Variants in PPP1R13L observed in about 807,000 individuals in gnomAD.
PPP1R13L encodes relA-associated inhibitor.
PPP1R13L carries 50 observed loss-of-function variants against 80.9 expected under a neutral mutation model. That is an observed-to-expected ratio of 0.62 (90% CI 0.49 to 0.78). The LOEUF (loss-of-function observed/expected upper bound fraction) is 0.78. Among genes scored for constraint, PPP1R13L ranks in the 30% least tolerant of loss-of-function variants. The pLI is 0.00. For missense variants in PPP1R13L, 1,200 were observed against 1,205.9 expected (o/e 1.00, Z 0.07); for synonymous variants, 602 against 534.3 (o/e 1.13, Z -1.75).
In PPP1R13L at chr19:45,386,072, C is replaced by T. The variant is rs1972862119; in HGVS notation, c.1924G>A (p.Val642Met). The change falls in exon 9 of 13, where the codon GTG becomes ATG. Residue 642 changes from valine (V) to methionine (M), a missense_variant. Around this residue, in one of 5 missense-constraint regions of PPP1R13L, gnomAD observed 214 missense variants for 199.6 expected, o/e 1.07. Coordinates refer to ENST00000360957, the MANE Select transcript of PPP1R13L (RefSeq NM_006663.4). Reference sequence around the variant, plus strand: ...ACCTCCTTCACCGCCTGCTGCACCACCTCCAGCTCCCCGGTCAGCGCCGCG... The same window carrying T: ...ACCTCCTTCACCGCCTGCTGCACCATCTCCAGCTCCCCGGTCAGCGCCGCG... ...LDAALTGELE[V>M]VQQAVKEMND... 6.3e-7 allele frequency: 1 copy of T among 1,583,108 alleles called. No individual in the cohort carries two copies. Among genetic ancestry groups the T allele is most frequent in the African/African-American group, 1.3e-5 (1 of 74,458 alleles).
At chr19:45,381,766 A>C (rs1210635234) in intron 12 of PPP1R13L, among the ~76,000 whole-genome samples, 2 of 141,970 alleles carry the variant, frequency 1.4e-5, no homozygotes, top group Admixed American at 6.8e-5. Context: ...CCCTGTCTAC[A>C]CAAAATACAA....
upstream of PPP1R13L, among the ~76,000 whole-genome samples, chr19:45,406,014 A>T (rs1315454505): frequency 6.6e-6 from 1 of 152,156 alleles, no homozygotes; most frequent in Non-Finnish European, 1.5e-5. The surrounding 1 kb of genome is among the most constrained non-coding windows in gnomAD (Gnocchi z 4.2). Flanking sequence ...CATTTGATCC[A>T]CAAACGCTAC....
chr19:45,398,649 T>C (rs1599777566), intron 1 of PPP1R13L, among the ~76,000 whole-genome samples: 1 of 144,738 alleles, frequency 6.9e-6, no homozygotes. Context: ...CAGGCGGGAG[T>C]GCAATGACGC....
chr19:45,396,457 A>T lies in PPP1R13L; in HGVS notation c.713-21T>A. 1 of 1,613,564 alleles carries T rather than the reference A, an allele frequency of 6.2e-7. No homozygotes were observed. The highest frequency in any genetic ancestry group is 8.5e-7 in the Non-Finnish European group (1 of 1,179,890). ...GTCGTCTGGGGAGAAGTTTCCAGGG[A>T]GGATGAGACGGGAGGGGTGGCGAGC... On this transcript the variant is annotated intron_variant, in intron 4 of 12. Transcript: ENST00000360957. This position sits in a 1 kb window ranked among gnomAD's most constrained non-coding sequence, Gnocchi z 5.3.
At chr19:45,388,049 A>G (rs1014638822) in intron 8 of PPP1R13L, among the ~76,000 whole-genome samples, 1 of 151,656 alleles carries the variant, frequency 6.6e-6, no homozygotes, top group African/African-American at 2.4e-5. Context: ...CACGCCTGTA[A>G]TCCCAGCTAC....
chr19:45,385,494 G>T, intron 11 of PPP1R13L, 68 bp downstream of exon 11: 2 of 1,461,030 alleles, frequency 1.4e-6, no homozygotes, highest in African/African-American at 2.8e-5. Flanking sequence ...CTAGTAGGGG[G>T]TAGTTGCTCC....
chr19:45,382,631 C>A lies in PPP1R13L; in HGVS notation c.2344G>T (p.Gly782Cys), dbSNP rs781619607. The change falls in exon 12 of 13, where the codon GGC (glycine) becomes TGC (cysteine). Residue 782 changes from glycine (G) to cysteine (C), a missense_variant. This residue lies in a region of PPP1R13L where 165 missense variants were observed against 177.1 expected (regional missense o/e 0.93). Coordinates refer to ENST00000360957, the MANE Select transcript of PPP1R13L (RefSeq NM_006663.4). ...CTCCGCAGCACGGTGACCGACTCGC[C>A]CTCGCGGAAGGACAGCTCGTCCCCG... ...EFGDELSFREGESVTVLRRDG... is the reference protein window; with the variant it reads ...EFGDELSFRECESVTVLRRDG... 5.6e-6 allele frequency: 9 copies of A among 1,613,744 alleles called. No homozygotes were observed. In the East Asian group the frequency reaches 2.0e-4, roughly 36 times the overall value.
Position 45,385,952 on chromosome 19 carries a change from G to T in PPP1R13L, c.1953C>A (p.Asn651Lys), listed in dbSNP as rs1972859516. ...EVVQQAVKEM[N>K]DPSQPNEEGI... ...CCTCCTCGTTGGGCTGGCTCGGGTC[G>T]TTCATCTGAGTGCACCGGGGGAGGG... Residue 651 changes from asparagine (N) to lysine (K), a missense_variant, in exon 10 of 13, where the codon AAC (asparagine) becomes AAA (lysine). Asn to Lys is a moderately conservative substitution (Grantham distance 94). Transcript: ENST00000360957. 2 of 1,610,452 alleles carry T rather than the reference G, an allele frequency of 1.2e-6. No homozygotes were observed. Among genetic ancestry groups the T allele is most frequent in the African/African-American group, 2.7e-5 (2 of 74,966 alleles).
chr19:45,384,786 G>A (rs1211371125), intron 11 of PPP1R13L, among the ~76,000 whole-genome samples: 2 of 151,858 alleles, frequency 1.3e-5, no homozygotes, highest in African/African-American at 4.8e-5. Flanking sequence ...CCAGGAGGTG[G>A]AGGTTGCAGT....
chr19:45,395,252 T>C, intron 7 of PPP1R13L, 184 bp downstream of exon 7: 1 of 788,020 alleles, frequency 1.3e-6, no homozygotes, highest in Non-Finnish European at 2.1e-6. Flanking sequence ...GGTCCACACT[T>C]AACCTTTGAG....
In PPP1R13L at chr19:45,396,341, C is replaced by G. The variant is rs777417033; in HGVS notation, c.808G>C (p.Glu270Gln). The G allele has an allele frequency of 6.2e-7, 1 of 1,614,024 alleles. No individual in the cohort carries two copies. Among genetic ancestry groups the G allele is most frequent in the African/African-American group, 1.3e-5 (1 of 74,942 alleles). Residue 270 changes from glutamate (E) to glutamine (Q), a missense_variant, in exon 5 of 13, where the codon GAA becomes CAA. Glu to Gln is a conservative substitution (Grantham distance 29). Transcript: ENST00000360957. The surrounding 1 kb of genome is among the most constrained non-coding windows in gnomAD (Gnocchi z 5.3). Reference protein sequence around the residue: ...EKKPSQTASYERLDVFARPAS... With the variant: ...EKKPSQTASYQRLDVFARPAS... Reference sequence around the variant, plus strand: ...TCCCCGGGCCTCCACCACTCACGTTCATAGCTCGCTGTCTGCGAAGGCTTC... The same window carrying G: ...TCCCCGGGCCTCCACCACTCACGTTGATAGCTCGCTGTCTGCGAAGGCTTC...
chr19:45,405,930 G>A (rs1973342848), upstream of PPP1R13L, among the ~76,000 whole-genome samples: 1 of 152,144 alleles, frequency 6.6e-6, no homozygotes, highest in Admixed American at 6.5e-5. Context: ...AGGAGTCGCC[G>A]ATCAGGTCCC....
intron 10 of PPP1R13L, 42 bp from the exon 11 acceptor site, chr19:45,385,770 A>G: frequency 6.2e-7 from 1 of 1,607,906 alleles, no homozygotes; most frequent in Middle Eastern, 1.7e-4. Flanking sequence ...GATGCGTGAG[A>G]GGCTGCGCGT....
chr19:45,401,181 G>C (rs1266149272), intron 1 of PPP1R13L, among the ~76,000 whole-genome samples: 1 of 151,256 alleles, frequency 6.6e-6, no homozygotes, highest in Non-Finnish European at 1.5e-5. Context: ...GTGAAACCCT[G>C]TCTCTACTAA....
intron 8 of PPP1R13L, 132 bp downstream of exon 8, chr19:45,391,748 A>G: frequency 1.5e-6 from 1 of 647,620 alleles, no homozygotes; most frequent in Non-Finnish European, 2.3e-6. Context: ...CCTGGGCTGC[A>G]AACTCTTGGA....
rs374655107 is a variant in PPP1R13L, at chr19:45,396,320, C to T, written c.811+18G>A. On this transcript the variant is annotated intron_variant, in intron 5 of 12. Coordinates refer to ENST00000360957, the MANE Select transcript of PPP1R13L (RefSeq NM_006663.4). This position sits in a 1 kb window ranked among gnomAD's most constrained non-coding sequence, Gnocchi z 5.3. ...CCTCTCCTCCGGGTCCTCCATTCCC[C>T]GGGCCTCCACCACTCACGTTCATAG... 1.9e-5 allele frequency: 31 copies of T among 1,613,828 alleles called. No homozygotes were observed. Among genetic ancestry groups the T allele is most frequent in the Middle Eastern group, 1.6e-4 (1 of 6,084 alleles).
chr19:45,385,972 G>A lies in PPP1R13L; in HGVS notation c.1948-15C>T. On this transcript the variant is annotated splice_polypyrimidine_tract_variant and intron_variant, in intron 9 of 12. Coordinates refer to ENST00000360957, the MANE Select transcript of PPP1R13L (RefSeq NM_006663.4). ...GGGTCGTTCATCTGAGTGCACCGGG[G>A]GAGGGGGAAGACTCAGTCCCGCGGC... The A allele has an allele frequency of 2.5e-6, 4 of 1,604,866 alleles. No homozygotes were observed. The highest frequency in any genetic ancestry group is 1.3e-5 in the African/African-American group (1 of 74,956).
rs751094243 is a variant in PPP1R13L, at chr19:45,395,494, G to A, written c.1296C>T (p.Pro432=). 6.7e-7 allele frequency: 1 copy of A among 1,490,896 alleles called. No individual in the cohort carries two copies. The highest frequency in any genetic ancestry group is 9.0e-7 in the Non-Finnish European group (1 of 1,108,414). The allele number at this position is 1,490,896 out of a possible 1,614,324, so 92.4% of individuals were successfully genotyped here. A position where few individuals can be genotyped will look rare whatever the true frequency, so the allele number is the denominator to read the frequency against. ...GCTGGGGGGCTGGGGTAGGGGTTTG[G>A]GGTTGGGTCTGGGGCTGTGGGGGCA... The part of the protein sequence containing the change: ...PQLPPQPQTQ[P]QTPTPAPQHP... The change falls in exon 7 of 13, where the codon CCC becomes CCT. Residue 432 remains proline, a synonymous_variant. Coordinates refer to ENST00000360957, the MANE Select transcript of PPP1R13L (RefSeq NM_006663.4).
Position 45,395,772 on chromosome 19 carries a change from C to CCGA in PPP1R13L, c.1015_1017dup (p.Ser339dup). ...GGCTGCCAGCTGCGAGGCAAAGTGCCCGACGGCCCCGCGGAGCCCAGCGAG... is the reference window on the plus strand; with the variant it reads ...GGCTGCCAGCTGCGAGGCAAAGTGCCCGACGACGGCCCCGCGGAGCCCAGCGAG... On this transcript the variant is annotated inframe_insertion, in exon 7 of 13. Coordinates refer to ENST00000360957, the MANE Select transcript of PPP1R13L (RefSeq NM_006663.4). 1 of 1,555,760 alleles carries CCGA rather than the reference C, an allele frequency of 6.4e-7. No homozygotes were observed. Among genetic ancestry groups the CCGA allele is most frequent in the Admixed American group, 1.9e-5 (1 of 52,480 alleles).
Sources: gnomAD v4.1 joint callset for allele counts (sites outside exome capture counted in the v4.1 genomes callset) on GRCh38, gnomAD v4.1.1 for gene constraint, gnomAD v4.1.1 regional missense constraint, Gnocchi (gnomAD v3.1) non-coding constraint, MANE v1.5 for transcripts, NCBI Gene and HGNC (gene_info 2026-07-23, HGNC 2026-07-21) for gene names.